SMIM36: variants seen among roughly 807,000 people sequenced by gnomAD.
SMIM36 encodes small integral membrane protein 36.
chr17:55,503,071 A>T (rs1282241278), intron 1 of SMIM36, among the ~76,000 whole-genome samples: 1 of 133,796 alleles, frequency 7.5e-6, no homozygotes, highest in African/African-American at 3.0e-5. Flanking sequence ...ATATGGGACT[A>T]TGTGAAAAGA....
At chr17:55,514,751 G>A (rs1028284402), upstream of SMIM36, among the ~76,000 whole-genome samples, 1 of 152,132 alleles carries the variant, frequency 6.6e-6, no homozygotes, top group Non-Finnish European at 1.5e-5. Context: ...AGATAAATAT[G>A]TGTCCCATAT....
chr17:55,501,351 T>G lies in SMIM36; in HGVS notation c.*174+9528A>C, dbSNP rs745858034. 7.4e-4 allele frequency among the ~76,000 whole-genome samples: 46 copies of G among 61,894 alleles called. 1 individual carries two copies. The East Asian group carries it at 8.6e-3, about 12-fold the overall frequency. 40.6% of individuals were successfully genotyped at this position (61,894 alleles called of 152,430 possible). A position where few individuals can be genotyped will look rare whatever the true frequency, so the allele number is the denominator to read the frequency against. ...AATATATAATATATTATATATTATATTTTATAATATATAATATATTATATA... is the reference window on the plus strand; with the variant it reads ...AATATATAATATATTATATATTATAGTTTATAATATATAATATATTATATA... On this transcript the variant is annotated intron_variant, in intron 1 of 4. Transcript: ENST00000636752.
At chr17:55,501,443 A>G (rs866338492) in intron 1 of SMIM36, among the ~76,000 whole-genome samples, 496 of 31,730 alleles carry the variant, frequency 0.016, 16 homozygotes, top group African/African-American at 0.078. Context: ...ATATATTATA[A>G]AATATAATAT....
At chr17:55,450,534 C>T (rs757999643) in intron 4 of SMIM36, among the ~76,000 whole-genome samples, 1 of 152,146 alleles carries the variant, frequency 6.6e-6, no homozygotes, top group Non-Finnish European at 1.5e-5. Flanking sequence ...ACTTAGTCTC[C>T]TTTGGTTTCA....
At chr17:55,531,613 G>A in the SMIM36 span, among the ~76,000 whole-genome samples, 1 of 152,164 alleles carries the variant, frequency 6.6e-6, no homozygotes, top group Non-Finnish European at 1.5e-5. Context: ...ATTGGCTGAC[G>A]TACCGAAAGA....
At chr17:55,474,576 G>A (rs12946758) in intron 3 of SMIM36, among the ~76,000 whole-genome samples, 76,696 of 152,032 alleles carry the variant, frequency 0.5, 19,713 homozygotes, top group South Asian at 0.57. Context: ...TGCCCGTATC[G>A]GCACTTTGGT....
At chr17:55,519,536 A>G in the SMIM36 span, among the ~76,000 whole-genome samples, 42 of 152,328 alleles carry the variant, frequency 2.8e-4, no homozygotes, top group Non-Finnish European at 4.6e-4. Context: ...ATTTGCAATG[A>G]CAAGATGTAG....
intron 3 of SMIM36, among the ~76,000 whole-genome samples, chr17:55,472,926 A>G (rs905438130): frequency 6.6e-6 from 1 of 152,018 alleles, no homozygotes; most frequent in Non-Finnish European, 1.5e-5. Flanking sequence ...CAGGATAGCA[A>G]AAGAAATAGC....
chr17:55,486,392 T>G (rs1909609057), intron 1 of SMIM36, among the ~76,000 whole-genome samples: 1 of 152,060 alleles, frequency 6.6e-6, no homozygotes, highest in Admixed American at 6.6e-5. Context: ...ACAGATGAGG[T>G]TTACCTTGGC....
At chr17:55,513,917 A>C (rs962057263), upstream of SMIM36, among the ~76,000 whole-genome samples, 1 of 152,160 alleles carries the variant, frequency 6.6e-6, no homozygotes, top group Non-Finnish European at 1.5e-5. Flanking sequence ...CATTCTGCTG[A>C]TACCCGTGGT....
chr17:55,498,682 C>T (rs1909853333), intron 1 of SMIM36, among the ~76,000 whole-genome samples: 1 of 151,494 alleles, frequency 6.6e-6, no homozygotes, highest in African/African-American at 2.4e-5. Context: ...AGGAAAAAGG[C>T]TCAGGAAGTT....
At chr17:55,529,504 A>C in the SMIM36 span, among the ~76,000 whole-genome samples, 11,552 of 152,026 alleles carry the variant, frequency 0.076, 1,295 homozygotes, top group African/African-American at 0.25. Context: ...ACGGTGGCTC[A>C]CGCCTGTAAT....
the SMIM36 span, among the ~76,000 whole-genome samples, chr17:55,524,250 A>T: frequency 2.6e-5 from 4 of 152,110 alleles, no homozygotes; most frequent in African/African-American, 9.7e-5. Flanking sequence ...AAAAGATATG[A>T]TCTCATTCTT....
intron 4 of SMIM36, among the ~76,000 whole-genome samples, chr17:55,459,588 A>T (rs940263626): frequency 2.0e-5 from 3 of 152,198 alleles, no homozygotes; most frequent in African/African-American, 7.2e-5. Context: ...TACTGCTATC[A>T]TATTTATATA....
intron 3 of SMIM36, among the ~76,000 whole-genome samples, chr17:55,470,052 C>T (rs1159645476): frequency 6.6e-6 from 1 of 152,184 alleles, no homozygotes; most frequent in African/African-American, 2.4e-5. Flanking sequence ...CCTCCAGGAC[C>T]TCCTCCCCCA....
chr17:55,524,200 T>G, the SMIM36 span, among the ~76,000 whole-genome samples: 10 of 152,220 alleles, frequency 6.6e-5, no homozygotes, highest in Admixed American at 6.5e-4. Flanking sequence ...TGCGTTAGTT[T>G]GCTAAGGATA....
At chr17:55,484,112 C>G (rs1286954989) in intron 1 of SMIM36, among the ~76,000 whole-genome samples, 1 of 151,716 alleles carries the variant, frequency 6.6e-6, no homozygotes, top group Non-Finnish European at 1.5e-5. Context: ...TATAATGATA[C>G]AAAATTTTTT....
At chr17:55,505,852 T>G (rs1388067254) in intron 1 of SMIM36, among the ~76,000 whole-genome samples, 6 of 112,226 alleles carry the variant, frequency 5.3e-5, no homozygotes, top group Non-Finnish European at 8.3e-5. Flanking sequence ...CAAATCTCCT[T>G]AAGCTGATAA....
chr17:55,492,824 C>T (rs779821323), intron 1 of SMIM36, among the ~76,000 whole-genome samples: 59 of 152,210 alleles, frequency 3.9e-4, no homozygotes, highest in Non-Finnish European at 4.4e-4. Context: ...GTTCCATGCA[C>T]GGTGGCAAAT....
Sources: allele counts gnomAD v4.1 joint callset (sites outside exome capture counted in the v4.1 genomes callset), GRCh38; gene constraint gnomAD v4.1.1; transcripts MANE v1.5; gene names NCBI Gene and HGNC (gene_info 2026-07-23, HGNC 2026-07-21).